Variants in SPIDR observed in about 807,000 individuals in gnomAD.
SPIDR encodes scaffold protein involved in DNA repair, also known as DNA repair-scaffolding protein.
In SPIDR, 93 loss-of-function variants were observed where a neutral mutation model predicts 104.6. That is an observed-to-expected ratio of 0.89 (90% CI 0.75 to 1.06). The LOEUF is 1.06. SPIDR is among the 50% of genes least tolerant of loss of function. The probability of loss-of-function intolerance (pLI) is 0.00; values close to 1 mark genes in which losing one functional copy is unlikely to be tolerated. For missense variants in SPIDR, 1,154 were observed against 1,111.2 expected (o/e 1.04, Z -0.55); for synonymous variants, 431 against 416.9 (o/e 1.03, Z -0.41).
At position 47,713,528 on chromosome 8, in the gene SPIDR, A is replaced by G. The variant is rs1478297988; in HGVS notation, c.2228A>G (p.Gln743Arg). The change falls in exon 16 of 20, where the codon CAG becomes CGG. Residue 743 changes from glutamine to arginine, a missense_variant. Gln to Arg is a conservative substitution (Grantham distance 43). Coordinates refer to ENST00000297423, the MANE Select transcript of SPIDR (RefSeq NM_001080394.4). ...VCAERTVLLL[Q>R]KPLLSVVSGA... is the part of the protein sequence containing the mutation. The stretch of plus-strand genomic sequence containing the variant: ...GCTGAACGAACTGTCCTCTTGCTTC[A>G]GAAGCCCCTTTTGAGTGTGGTCTCT... The G allele has an allele frequency of 1.2e-6, 2 of 1,614,192 alleles. No individual in the cohort carries two copies. The highest frequency in any genetic ancestry group is 2.2e-5 in the South Asian group (2 of 91,080).
intron 7 of SPIDR, among the ~76,000 whole-genome samples, chr8:47,421,165 A>C (rs557523203): frequency 3.9e-4 from 59 of 152,304 alleles, no homozygotes; most frequent in Non-Finnish European, 6.8e-4. Context: ...CTGCCTTGCT[A>C]GATTGGGGAA....
At chr8:47,526,072 C>T (rs1472232835) in intron 8 of SPIDR, among the ~76,000 whole-genome samples, 3 of 152,128 alleles carry the variant, frequency 2.0e-5, no homozygotes, top group East Asian at 1.9e-4. Flanking sequence ...ATCTTGTATT[C>T]CCCTGAGTTA....
rs201467471 is a variant in SPIDR, at chr8:47,440,591, C to G, written c.1097+49C>G. 80 of 1,544,190 alleles carry G rather than the reference C, an allele frequency of 5.2e-5. No homozygotes were observed. In the Admixed American group the frequency reaches 7.3e-4, roughly 14 times the overall value. On this transcript the variant is annotated intron_variant, in intron 8 of 19. Transcript: ENST00000297423. ...GCAGTCACCAACTGTGAGTCAGCCT[C>G]GTAAGAAAAGACATTTTTATCAGTT... is the stretch of plus-strand genomic sequence containing the variant.
intron 5 of SPIDR, among the ~76,000 whole-genome samples, chr8:47,368,559 T>C (rs1224184236): frequency 6.6e-6 from 1 of 152,022 alleles, no homozygotes; most frequent in Non-Finnish European, 1.5e-5. Flanking sequence ...AAAATTGCCA[T>C]GTATGGGCAT....
intron 8 of SPIDR, among the ~76,000 whole-genome samples, chr8:47,575,724 G>T (rs1468071675): frequency 6.6e-6 from 1 of 151,486 alleles, no homozygotes; most frequent in Non-Finnish European, 1.5e-5. Context: ...CCCTTTGGGA[G>T]GCCAAGGCAG....
At chr8:47,656,989 G>T (rs948931109) in intron 10 of SPIDR, among the ~76,000 whole-genome samples, 2 of 152,172 alleles carry the variant, frequency 1.3e-5, no homozygotes, top group Non-Finnish European at 2.9e-5. Context: ...CCAATCAATT[G>T]TTGCCAGGGA....
At chr8:47,702,265 A>T (rs1469958856) in intron 14 of SPIDR, among the ~76,000 whole-genome samples, 1 of 152,190 alleles carries the variant, frequency 6.6e-6, no homozygotes, top group Non-Finnish European at 1.5e-5. Flanking sequence ...TTCCTTTTAC[A>T]GATGCAGACT....
At chr8:47,609,483 A>C (rs2063359334) in intron 10 of SPIDR, among the ~76,000 whole-genome samples, 1 of 152,136 alleles carries the variant, frequency 6.6e-6, no homozygotes, top group African/African-American at 2.4e-5. Flanking sequence ...TACTAGTAGT[A>C]GTCTTTATAT....
At chr8:47,482,034 TTCATG>T (rs1317008041) in intron 8 of SPIDR, among the ~76,000 whole-genome samples, 2 of 152,182 alleles carry the variant, frequency 1.3e-5, no homozygotes, top group Non-Finnish European at 2.9e-5. Context: ...TCTGTCAGTT[TTCATG>T]TGAGGACTCA....
At chr8:47,313,793 ACTT>A (rs1162642506) in intron 5 of SPIDR, among the ~76,000 whole-genome samples, 1 of 152,228 alleles carries the variant, frequency 6.6e-6, no homozygotes, top group Admixed American at 6.5e-5. Context: ...GACAGACCTG[ACTT>A]CTTATCAGAA....
intron 7 of SPIDR, among the ~76,000 whole-genome samples, chr8:47,418,574 A>G (rs1168758442): frequency 5.3e-5 from 8 of 152,184 alleles, no homozygotes; most frequent in African/African-American, 1.7e-4. Flanking sequence ...AACAGGGACA[A>G]TTTGACTTCC....
At chr8:47,576,757 G>A (rs2059175842) in intron 8 of SPIDR, among the ~76,000 whole-genome samples, 1 of 152,160 alleles carries the variant, frequency 6.6e-6, no homozygotes, top group African/African-American at 2.4e-5. Context: ...TTATAAAGCA[G>A]TCTAATGGAT....
intron 14 of SPIDR, among the ~76,000 whole-genome samples, chr8:47,706,965 T>A (rs1252448092): frequency 6.6e-6 from 1 of 151,764 alleles, no homozygotes; most frequent in Non-Finnish European, 1.5e-5. Context: ...TTAAATTTTG[T>A]TTTTAGGCCC....
At chr8:47,598,016 C>CT (rs35592332) in intron 9 of SPIDR, among the ~76,000 whole-genome samples, 2,892 of 152,302 alleles carry the variant, frequency 0.019, 96 homozygotes, top group African/African-American at 0.066. Context: ...CAAAATCTCT[C>CT]TTTGACTATC....
chr8:47,702,276 A>G (rs1589339600), intron 14 of SPIDR, among the ~76,000 whole-genome samples: 1 of 152,308 alleles, frequency 6.6e-6, no homozygotes, highest in African/African-American at 2.4e-5. Context: ...GATGCAGACT[A>G]CCAGCCACTG....
At chr8:47,543,052 C>A (rs2088554583) in intron 8 of SPIDR, among the ~76,000 whole-genome samples, 1 of 152,172 alleles carries the variant, frequency 6.6e-6, no homozygotes, top group Admixed American at 6.5e-5. Flanking sequence ...ACGTCCCTGG[C>A]ATGGGGGTAT....
At chr8:47,709,438 C>A (rs551203977) in intron 14 of SPIDR, among the ~76,000 whole-genome samples, 32 of 152,200 alleles carry the variant, frequency 2.1e-4, no homozygotes, top group Non-Finnish European at 3.8e-4. Context: ...CGGCGCCCAG[C>A]CTAATTTTGG....
At chr8:47,568,628 C>G (rs934868186) in intron 8 of SPIDR, among the ~76,000 whole-genome samples, 1 of 152,144 alleles carries the variant, frequency 6.6e-6, no homozygotes, top group African/African-American at 2.4e-5. Flanking sequence ...AGTCCACAAG[C>G]CTTCCTGGTG....
rs766540452 is a variant in SPIDR, at chr8:47,272,828, G to A, written c.34-7034G>A. Among the ~76,000 whole-genome samples the A allele has an allele frequency of 3.0e-3, 454 of 152,282 alleles. 4 individuals carry two copies. Among genetic ancestry groups the A allele is most frequent in the Non-Finnish European group, 4.6e-3 (311 of 68,030 alleles). On this transcript the variant is annotated intron_variant, in intron 1 of 19. Coordinates refer to ENST00000297423, the MANE Select transcript of SPIDR (RefSeq NM_001080394.4). ...CAAAGTGCTGGGATTATAGGCATGA[G>A]CCACCATGCCCATTTTAGTTTTCTT...
Sources: gnomAD v4.1 joint callset for allele counts (sites outside exome capture counted in the v4.1 genomes callset) on GRCh38, gnomAD v4.1.1 for gene constraint, MANE v1.5 for transcripts, NCBI Gene and HGNC (gene_info 2026-07-23, HGNC 2026-07-21) for gene names.